C16orf95: variants seen among roughly 807,000 people sequenced by gnomAD.
C16orf95 encodes the protein uncharacterized protein C16orf95.
In C16orf95, 41 loss-of-function variants were observed where a neutral mutation model predicts 32.1. The ratio of observed to expected loss-of-function variants is 1.28; its 90% CI spans 1.00 to 1.66. The LOEUF is 1.66. C16orf95 is among the 40% of genes most tolerant of loss of function. The pLI is 0.00. For missense variants in C16orf95, 399 were observed against 325.9 expected, an observed-to-expected ratio of 1.22 and a Z score of -1.73; for synonymous variants, 147 against 128.9, an observed-to-expected ratio of 1.14 and a Z score of -0.95.
At chr16:87,312,948 T>C (rs1483663241) in intron 3 of C16orf95, among the ~76,000 whole-genome samples, 1 of 152,182 alleles carries the variant, frequency 6.6e-6, no homozygotes, top group African/African-American at 2.4e-5. Flanking sequence ...GAAATACTTA[T>C]GGGTAAATCT....
In C16orf95 at chr16:87,303,009, G is replaced by A. The variant is rs1021352558; in HGVS notation, c.*48C>T. On this transcript the variant is annotated 3_prime_UTR_variant, in exon 7 of 7. Transcript: ENST00000567970. ...TGGTGGACTCTCAAAGATCTTGATC[G>A]TGACACATTTTTGTGGCTGTTCTTG... The A allele has an allele frequency of 7.2e-6, 11 of 1,530,404 alleles. No homozygotes were observed. The African/African-American group carries it at 1.1e-4, about 15-fold the overall frequency. 94.8% of individuals were successfully genotyped at this position (1,530,404 alleles called of 1,614,324 possible). A position where few individuals can be genotyped will look rare whatever the true frequency, so the allele number is the denominator to read the frequency against.
chr16:87,317,156 C>G lies in C16orf95; in HGVS notation c.87G>C (p.Gly29=), dbSNP rs1163273765. ...GCCCGACGCACCCCGCGCCCGGCCC[C>G]CCGGCAGCAGCGCCTGAGGCTGCTC... is the stretch of plus-strand genomic sequence containing the variant. ...ATGAASGAAA[G]GPGAGCVGLC... is the part of the protein sequence containing the mutation. Residue 29 remains glycine (G), a synonymous_variant, in exon 1 of 7, where the codon GGG becomes GGC. Coordinates refer to ENST00000567970, the MANE Select transcript of C16orf95 (RefSeq NM_001195124.3). 5.9e-6 allele frequency: 9 copies of G among 1,531,580 alleles called. No homozygotes were observed. The highest frequency in any genetic ancestry group is 1.4e-5 in the African/African-American group (1 of 72,624). 94.9% of individuals were successfully genotyped at this position (1,531,580 alleles called of 1,614,324 possible).
rs1910830396 is a variant in C16orf95 at position 87,302,965 on chromosome 16, G to C, written c.*92C>G. ...ATTCTGTTCTGAGAAGACAGCGACTGTCACAGACGCCTCCTGATTGGTGGA... is the reference window on the plus strand; with the variant it reads ...ATTCTGTTCTGAGAAGACAGCGACTCTCACAGACGCCTCCTGATTGGTGGA... On this transcript the variant is annotated 3_prime_UTR_variant, in exon 7 of 7. Coordinates refer to ENST00000567970, the MANE Select transcript of C16orf95 (RefSeq NM_001195124.3). 7 of 1,314,446 alleles carry C rather than the reference G, an allele frequency of 5.3e-6. No individual in the cohort carries two copies. In the South Asian group the frequency reaches 8.8e-5, roughly 17 times the overall value. The allele number at this position is 1,314,446 out of a possible 1,614,324, so 81.4% of individuals were successfully genotyped here.
rs10551847 is a variant in C16orf95, at chr16:87,309,372, C to CTTTTTTTTTTTTTTTT, written c.514+909_514+924dup. On this transcript the variant is annotated intron_variant, in intron 5 of 6. Coordinates refer to ENST00000567970, the MANE Select transcript of C16orf95 (RefSeq NM_001195124.3). ...TATGCATTTTCTTTTTCTTTCTTTTCTTTTTTTTTTTTTTTTTTTTTTTTT... is the reference window on the plus strand; with the variant it reads ...TATGCATTTTCTTTTTCTTTCTTTTCTTTTTTTTTTTTTTTTTTTTTTTTTTTTTTTTTTTTTTTTT... Among the ~76,000 whole-genome samples the CTTTTTTTTTTTTTTTT allele has an allele frequency of 1.2e-3, 106 of 86,044 alleles. 11 individuals carry two copies. The highest frequency in any genetic ancestry group is 1.5e-3 in the African/African-American group (25 of 16,884). The allele number at this position is 86,044 out of a possible 152,430, so 56.4% of individuals were successfully genotyped here.
At chr16:87,306,550 C>A (rs1314587610) in intron 5 of C16orf95, among the ~76,000 whole-genome samples, 1 of 151,740 alleles carries the variant, frequency 6.6e-6, no homozygotes, top group South Asian at 2.1e-4. Flanking sequence ...AAAAATTATG[C>A]CACAAAAACA....
chr16:87,303,047 G>C lies in C16orf95; in HGVS notation c.*10C>G. On this transcript the variant is annotated 3_prime_UTR_variant, in exon 7 of 7. Coordinates refer to ENST00000567970, the MANE Select transcript of C16orf95 (RefSeq NM_001195124.3). ...GTGGCTGTTCTTGACAGTAGCTGAAGATTCCAACTTCAAACCCCAAAACAC... is the reference window on the plus strand; with the variant it reads ...GTGGCTGTTCTTGACAGTAGCTGAACATTCCAACTTCAAACCCCAAAACAC... The C allele has an allele frequency of 6.5e-7, 1 of 1,536,110 alleles. No homozygotes were observed. The highest frequency in any genetic ancestry group is 8.7e-7 in the Non-Finnish European group (1 of 1,146,880).
chr16:87,305,577 A>T lies in C16orf95; in HGVS notation c.701+142T>A. On this transcript the variant is annotated intron_variant, in intron 6 of 6. Coordinates refer to ENST00000567970, the MANE Select transcript of C16orf95 (RefSeq NM_001195124.3). This position sits in a 1 kb window ranked among gnomAD's most constrained non-coding sequence, Gnocchi z 4.2. ...CGCTGTGCAGAGCACCACAGGACACACTCACAGTGCCGGGCCTTGGACGCC... is the reference window on the plus strand; with the variant it reads ...CGCTGTGCAGAGCACCACAGGACACTCTCACAGTGCCGGGCCTTGGACGCC... The T allele has an allele frequency of 1.6e-6, 1 of 618,134 alleles. No individual in the cohort carries two copies. Among genetic ancestry groups the T allele is most frequent in the Non-Finnish European group, 2.5e-6 (1 of 393,642 alleles). The allele number at this position is 618,134 out of a possible 1,614,324, so 38.3% of individuals were successfully genotyped here.
At chr16:87,312,436 G>T (rs1334615291) in intron 3 of C16orf95, among the ~76,000 whole-genome samples, 1 of 152,026 alleles carries the variant, frequency 6.6e-6, no homozygotes, top group African/African-American at 2.4e-5. Flanking sequence ...GGGAGTGGTG[G>T]TGGGCACCTG....
rs1217899038 is a variant in C16orf95, at chr16:87,305,782, C to T, written c.638G>A (p.Arg213His). ...GGTCAGGAGGCCGAGGGGCAGCAGA[C>T]GCGCTGCAGGAGCCGGTAGCTGGTC... Reference protein sequence around the residue: ...YQDQLPAPAARLLPLGLLTLL... With the variant: ...YQDQLPAPAAHLLPLGLLTLL... Residue 213 changes from arginine to histidine, a missense_variant, in exon 6 of 7, where the codon CGT (arginine) becomes CAT (histidine). Arg to His is a conservative substitution (Grantham distance 29). Coordinates refer to ENST00000567970, the MANE Select transcript of C16orf95 (RefSeq NM_001195124.3). This position sits in a 1 kb window ranked among gnomAD's most constrained non-coding sequence, Gnocchi z 4.2. The T allele has an allele frequency of 7.0e-5, 106 of 1,517,198 alleles. No homozygotes were observed. Among genetic ancestry groups the T allele is most frequent in the Middle Eastern group, 5.1e-4 (3 of 5,938 alleles). The allele number at this position is 1,517,198 out of a possible 1,614,324, so 94.0% of individuals were successfully genotyped here.
chr16:87,304,467 A>T (rs1482221311), intron 6 of C16orf95, among the ~76,000 whole-genome samples: 1 of 152,236 alleles, frequency 6.6e-6, no homozygotes, highest in Admixed American at 6.5e-5. Flanking sequence ...AAAGGAGTCA[A>T]ACTAAATGTG....
chr16:87,316,647 G>C (rs1030934352), intron 1 of C16orf95, among the ~76,000 whole-genome samples: 1 of 151,994 alleles, frequency 6.6e-6, no homozygotes, highest in Admixed American at 6.6e-5. Context: ...TTCCTGGTGG[G>C]GAGGGGGGGG....
intron 3 of C16orf95, among the ~76,000 whole-genome samples, 199 bp downstream of exon 3, chr16:87,314,772 G>A (rs566764623): frequency 2.0e-5 from 3 of 152,288 alleles, no homozygotes; most frequent in East Asian, 1.9e-4. Flanking sequence ...ACATGTGTGA[G>A]GTGTGCCTCC....
intron 5 of C16orf95, among the ~76,000 whole-genome samples, chr16:87,308,353 C>T (rs1426775980): frequency 6.6e-6 from 1 of 152,034 alleles, no homozygotes; most frequent in African/African-American, 2.4e-5. Flanking sequence ...TGGTGGCACA[C>T]ACCTGTAATC....
At chr16:87,312,120 C>A (rs904650260) in intron 3 of C16orf95, among the ~76,000 whole-genome samples, 11 of 152,234 alleles carry the variant, frequency 7.2e-5, no homozygotes, top group African/African-American at 2.7e-4. Flanking sequence ...CCACCCTTGG[C>A]ACTGTGACCC....
chr16:87,315,292 C>T (rs180860207), intron 2 of C16orf95, among the ~76,000 whole-genome samples, 196 bp from the exon 3 acceptor site: 4 of 152,274 alleles, frequency 2.6e-5, no homozygotes, highest in African/African-American at 9.6e-5. Flanking sequence ...GAGGGGGATC[C>T]CCCGGAGCTT....
chr16:87,315,025 C>T lies in C16orf95; in HGVS notation c.276G>A (p.Arg92=). Residue 92 remains arginine, a synonymous_variant, in exon 3 of 7, where the codon AGG becomes AGA. Transcript: ENST00000567970. The stretch of plus-strand genomic sequence containing the variant: ...CCCAGTAAGGCAGTGCTGCTTCCAC[C>T]CTGGACACAGGCAGGCGGCCCCCGA... ...TRFGGRLPVS[R]VEAALPYWVP... 6.5e-7 allele frequency: 1 copy of T among 1,536,118 alleles called. No homozygotes were observed. Among genetic ancestry groups the T allele is most frequent in the South Asian group, 1.2e-5 (1 of 84,068 alleles).
chr16:87,313,120 C>G (rs1429832549), intron 3 of C16orf95, among the ~76,000 whole-genome samples: 1 of 151,418 alleles, frequency 6.6e-6, no homozygotes, highest in Non-Finnish European at 1.5e-5. Context: ...AAAGCCCACA[C>G]AGTCCCAATC....
At chr16:87,309,372 CTTTTT>C (rs10551847) in intron 5 of C16orf95, among the ~76,000 whole-genome samples, 1 of 86,038 alleles carries the variant, frequency 1.2e-5, no homozygotes, top group African/African-American at 5.9e-5. Flanking sequence ...TCTTTCTTTT[CTTTTT>C]TTTTTTTTTT....
At chr16:87,303,567 C>T (rs552189421) in intron 6 of C16orf95, 110 of 167,210 alleles carry the variant, frequency 6.6e-4, no homozygotes, top group African/African-American at 2.5e-3. Flanking sequence ...CAAGCTGTGC[C>T]CTCCCCTGGG....
Sources: allele counts gnomAD v4.1 joint callset (sites outside exome capture counted in the v4.1 genomes callset), GRCh38; gene constraint gnomAD v4.1.1; non-coding constraint Gnocchi (gnomAD v3.1); transcripts MANE v1.5; gene names NCBI Gene and HGNC (gene_info 2026-07-23, HGNC 2026-07-21).